NUDT3: variants seen among roughly 807,000 people sequenced by gnomAD.
NUDT3 encodes the protein diphosphoinositol polyphosphate phosphohydrolase 1.
NUDT3 carries 9 observed loss-of-function variants against 23.6 expected under a neutral mutation model. The ratio of observed to expected loss-of-function variants is 0.38; its 90% CI spans 0.23 to 0.66. The LOEUF (loss-of-function observed/expected upper bound fraction) is 0.66. Ranked by LOEUF, NUDT3 falls within the 30% of genes least tolerant of loss-of-function variation. The pLI, the probability that NUDT3 is intolerant of heterozygous loss-of-function variation, is 0.52. For missense variants in NUDT3, 172 were observed against 218.5 expected (o/e 0.79, Z 1.34); for synonymous variants, 86 against 82.6 (o/e 1.04, Z -0.22).
chr6:34,333,254 T>C (rs868593937), intron 2 of NUDT3, among the ~76,000 whole-genome samples: 2 of 152,370 alleles, frequency 1.3e-5, no homozygotes, highest in South Asian at 4.1e-4. Context: ...CAGATTTATC[T>C]GTTTCTGAAA....
At chr6:34,307,172 G>GC (rs1469799990) in intron 2 of NUDT3, among the ~76,000 whole-genome samples, 1 of 152,192 alleles carries the variant, frequency 6.6e-6, no homozygotes, top group Non-Finnish European at 1.5e-5. Flanking sequence ...CACTTGGGAG[G>GC]CTGGGTAGCA....
Position 34,290,438 on chromosome 6 carries a change from C to T in NUDT3, c.341-1507G>A, listed in dbSNP as rs866223981. On this transcript the variant is annotated intron_variant, in intron 4 of 4. Coordinates refer to ENST00000607016, the MANE Select transcript of NUDT3 (RefSeq NM_006703.4). ...TTTTTTTTTTTGGTATAAATGAGGT[C>T]TCAAATTCCTGGCCTCAAGTGATCC... Among the ~76,000 whole-genome samples, 129 of 136,588 alleles carry T rather than the reference C, an allele frequency of 9.4e-4. 1 individual carries two copies. The highest frequency in any genetic ancestry group is 4.4e-3 in the Admixed American group (56 of 12,804). The allele number at this position is 136,588 out of a possible 152,430, so 89.6% of individuals were successfully genotyped here. A position where few individuals can be genotyped will look rare whatever the true frequency, so the allele number is the denominator to read the frequency against.
chr6:34,348,733 G>A (rs1375835687), intron 1 of NUDT3, among the ~76,000 whole-genome samples: 8 of 151,442 alleles, frequency 5.3e-5, no homozygotes, highest in South Asian at 2.1e-4. Flanking sequence ...CCAAGATCGC[G>A]CCACTGTACT....
At chr6:34,349,829 G>A (rs532155982) in intron 1 of NUDT3, among the ~76,000 whole-genome samples, 3 of 150,776 alleles carry the variant, frequency 2.0e-5, no homozygotes, top group East Asian at 1.9e-4. Flanking sequence ...GGTGGCTCAC[G>A]CCTGTAATCC....
chr6:34,296,963 G>A (rs1409963814), intron 2 of NUDT3, among the ~76,000 whole-genome samples: 6 of 141,940 alleles, frequency 4.2e-5, no homozygotes, highest in East Asian at 2.0e-4. Context: ...AGACAGTCTC[G>A]CTCTGTCACC....
At chr6:34,305,635 C>T (rs903595249) in intron 2 of NUDT3, among the ~76,000 whole-genome samples, 6 of 152,218 alleles carry the variant, frequency 3.9e-5, no homozygotes, top group Non-Finnish European at 8.8e-5. Context: ...GCTCAATTTA[C>T]TTAACGTCCA....
chr6:34,288,813 G>C lies in NUDT3; in HGVS notation c.459C>G (p.Thr153=), dbSNP rs367900902. 1 of 1,613,876 alleles carries C rather than the reference G, an allele frequency of 6.2e-7. No homozygotes were observed. Among genetic ancestry groups the C allele is most frequent in the Non-Finnish European group, 8.5e-7 (1 of 1,179,976 alleles). ...CCGAGTATGTGGTGGCCACGACTGG[G>C]GTGCCATTGTTGGCTGAGTAGCCTT... The part of the protein sequence containing the change: ...LRQGYSANNG[T]PVVATTYSVS... Residue 153 remains threonine, a synonymous_variant, in exon 5 of 5, where the codon ACC becomes ACG. Transcript: ENST00000607016.
intron 2 of NUDT3, among the ~76,000 whole-genome samples, chr6:34,313,791 T>C (rs952881056): frequency 6.6e-6 from 1 of 150,882 alleles, no homozygotes; most frequent in African/African-American, 2.4e-5. Flanking sequence ...TGAAACCCTA[T>C]CTCTACTAAA....
chr6:34,315,873 C>A (rs1175002994), intron 2 of NUDT3, among the ~76,000 whole-genome samples: 3 of 152,190 alleles, frequency 2.0e-5, no homozygotes. Flanking sequence ...CTTTGCTAGT[C>A]ACATGGCCAT....
intron 1 of NUDT3, among the ~76,000 whole-genome samples, chr6:34,381,979 A>G (rs374373387): frequency 6.4e-4 from 96 of 150,256 alleles, no homozygotes; most frequent in African/African-American, 2.1e-3. Flanking sequence ...AGGCTGACAC[A>G]GGAAAATCAC....
chr6:34,385,927 G>T (rs140114416), intron 1 of NUDT3, among the ~76,000 whole-genome samples: 1 of 152,060 alleles, frequency 6.6e-6, no homozygotes, highest in Non-Finnish European at 1.5e-5. Flanking sequence ...CATGTGATCC[G>T]CCCACCTTGG....
chr6:34,283,514 A>T lies in NUDT3; in HGVS notation c.*5239T>A, dbSNP rs1345232358. On this transcript the variant is annotated 3_prime_UTR_variant, in exon 5 of 5. Coordinates refer to ENST00000607016, the MANE Select transcript of NUDT3 (RefSeq NM_006703.4). ...CACCATGACCAGCCCTCCATTTATT[A>T]ATTTATAAGGGGACTAGAAGGACAA... The T allele has an allele frequency of 6.6e-6, 1 of 152,086 alleles. No homozygotes were observed. The highest frequency in any genetic ancestry group is 1.5e-5 in the Non-Finnish European group (1 of 68,032). The allele number at this position is 152,086 out of a possible 1,614,324, so 9.4% of individuals were successfully genotyped here. A position where few individuals can be genotyped will look rare whatever the true frequency, so the allele number is the denominator to read the frequency against.
At chr6:34,344,011 T>C (rs554724170) in intron 1 of NUDT3, among the ~76,000 whole-genome samples, 53 of 152,310 alleles carry the variant, frequency 3.5e-4, no homozygotes, top group Middle Eastern at 3.4e-3. Flanking sequence ...CTAGGATAGC[T>C]ATAATTCAAT....
chr6:34,331,958 C>CCTT (rs1413932312), intron 2 of NUDT3, among the ~76,000 whole-genome samples: 2 of 152,078 alleles, frequency 1.3e-5, no homozygotes, highest in African/African-American at 4.8e-5. Flanking sequence ...CTCACTGCAG[C>CCTT]CTTGATGCTG....
At position 34,388,987 on chromosome 6, in the gene NUDT3, G is replaced by T. The variant is rs868443711; in HGVS notation, c.99+3277C>A. On this transcript the variant is annotated intron_variant, in intron 1 of 4. Coordinates refer to ENST00000607016, the MANE Select transcript of NUDT3 (RefSeq NM_006703.4). ...AACAGTTTAAAATTTTAAGCTCCTG[G>T]CCTGGCAAAGTGGCTCTTGCCTATA... is the stretch of plus-strand genomic sequence containing the variant. 3.9e-5 allele frequency among the ~76,000 whole-genome samples: 6 copies of T among 152,298 alleles called. No homozygotes were observed. In the Middle Eastern group the frequency reaches 0.02, roughly 518 times the overall value.
At chr6:34,380,012 A>AAATAGT (rs936653269) in intron 1 of NUDT3, among the ~76,000 whole-genome samples, 13 of 152,122 alleles carry the variant, frequency 8.5e-5, no homozygotes, top group Non-Finnish European at 1.8e-4. Flanking sequence ...TTAAAAAAAA[A>AAATAGT]AAATAGTAAA....
intron 1 of NUDT3, among the ~76,000 whole-genome samples, chr6:34,381,675 T>A (rs1168473911): frequency 6.6e-6 from 1 of 152,062 alleles, no homozygotes; most frequent in Non-Finnish European, 1.5e-5. Context: ...AATACCACAG[T>A]GATAGATGTA....
intron 1 of NUDT3, among the ~76,000 whole-genome samples, chr6:34,373,552 T>G (rs540794438): frequency 5.9e-5 from 9 of 152,166 alleles, no homozygotes; most frequent in African/African-American, 2.2e-4. Flanking sequence ...AGAGGCTATT[T>G]TCCAAATTTG....
intron 1 of NUDT3, among the ~76,000 whole-genome samples, chr6:34,348,558 A>G (rs1764416879): frequency 1.3e-5 from 2 of 152,082 alleles, no homozygotes; most frequent in Admixed American, 1.3e-4. Flanking sequence ...CGGGTGGATC[A>G]TGAGGTCAGG....
Sources: gnomAD v4.1 joint callset for allele counts (sites outside exome capture counted in the v4.1 genomes callset) on GRCh38, gnomAD v4.1.1 for gene constraint, MANE v1.5 for transcripts, NCBI Gene and HGNC (gene_info 2026-07-23, HGNC 2026-07-21) for gene names.